ZNF549: variants seen among roughly 807,000 people sequenced by gnomAD.
The protein encoded by ZNF549 is zinc finger protein 549.
ZNF549 carries 11 observed loss-of-function variants against 11.1 expected under a neutral mutation model. The ratio of observed to expected loss-of-function variants is 0.99; its 90% CI spans 0.62 to 1.64. The LOEUF (loss-of-function observed/expected upper bound fraction) is 1.64, where lower values mean the gene tolerates loss of function less well. Among genes scored for constraint, ZNF549 ranks in the 40% most tolerant of loss-of-function variants. The pLI is 0.00. For missense variants in ZNF549, 748 were observed against 765.1 expected (o/e 0.98, Z 0.26); for synonymous variants, 266 against 269.1 (o/e 0.99, Z 0.11).
rs866258802 is a variant in ZNF549, at chr19:57,537,649, G to T, written c.645G>T (p.Glu215Asp). 1.2e-6 allele frequency: 2 copies of T among 1,614,060 alleles called. No homozygotes were observed. Among genetic ancestry groups the T allele is most frequent in the African/African-American group, 2.7e-5 (2 of 74,914 alleles). ...SRQEYAHRSR[E>D]TFQQRRYKCE... is the part of the protein sequence containing the mutation. ...AAGAGTATGCACATAGAAGCAGGGA[G>T]ACCTTTCAACAAAGACGTTACAAAT... Residue 215 changes from glutamate to aspartate, a missense_variant, in exon 4 of 4, where the codon GAG becomes GAT. Glu to Asp is a conservative substitution (Grantham distance 45). Transcript: ENST00000376233.
Position 57,527,477 on chromosome 19 carries a change from C to G in ZNF549, c.-97C>G, listed in dbSNP as rs1329563849. Reference sequence around the variant, plus strand: ...CCGCCCGCAGAGGAGCTTGCCTGGTCTCGGTCTGAGCGTCGCCCAGCGATT... The same window carrying G: ...CCGCCCGCAGAGGAGCTTGCCTGGTGTCGGTCTGAGCGTCGCCCAGCGATT... On this transcript the variant is annotated 5_prime_UTR_variant, in exon 1 of 4. Transcript: ENST00000376233. 6.5e-7 allele frequency: 1 copy of G among 1,544,976 alleles called. No individual in the cohort carries two copies. The highest frequency in any genetic ancestry group is 2.3e-5 in the East Asian group (1 of 42,874).
intron 3 of ZNF549, 27 bp downstream of exon 3, chr19:57,535,297 A>C: frequency 3.1e-6 from 5 of 1,608,800 alleles, no homozygotes; most frequent in Non-Finnish European, 4.3e-6. Flanking sequence ...CCACACCATC[A>C]ACCTCTGCTG....
At position 57,540,112 on chromosome 19, in the gene ZNF549, C is replaced by G. The variant is rs542291816; in HGVS notation, c.*1185C>G. ...GGCAGGAAAGCAGGATTTGAGAGAA[C>G]ATACACCTTGCCTTCCAGATATGTG... On this transcript the variant is annotated 3_prime_UTR_variant, in exon 4 of 4. Transcript: ENST00000376233. 6.6e-6 allele frequency: 1 copy of G among 152,326 alleles called. No individual in the cohort carries two copies. Among genetic ancestry groups the G allele is most frequent in the African/African-American group, 2.4e-5 (1 of 41,578 alleles). 9.4% of individuals were successfully genotyped at this position (152,326 alleles called of 1,614,324 possible).
At chr19:57,529,901 A>AAAATAAAT (rs376810192) in intron 1 of ZNF549, among the ~76,000 whole-genome samples, 7 of 151,800 alleles carry the variant, frequency 4.6e-5, no homozygotes, top group African/African-American at 1.7e-4. Flanking sequence ...ATAAATAAAT[A>AAAATAAAT]AAATAAATAA....
Position 57,538,872 on chromosome 19 carries a change from A to G in ZNF549, c.1868A>G (p.Asn623Ser), listed in dbSNP as rs1430166621. The change falls in exon 4 of 4, where the codon AAC (asparagine) becomes AGC (serine). Residue 623 changes from asparagine to serine, a missense_variant. Transcript: ENST00000376233. Reference protein sequence around the residue: ...YECGKCGKAFNKRYSLVRHQK... With the variant: ...YECGKCGKAFSKRYSLVRHQK... ...TGTGGTAAATGTGGGAAAGCCTTCA[A>G]CAAAAGATATTCCCTTGTCAGGCAC... 3 of 1,611,254 alleles carry G rather than the reference A, an allele frequency of 1.9e-6. No homozygotes were observed. Among genetic ancestry groups the G allele is most frequent in the Admixed American group, 1.7e-5 (1 of 60,008 alleles).
rs1441719049 is a variant in ZNF549, at chr19:57,540,321, G to A, written c.*1394G>A. On this transcript the variant is annotated 3_prime_UTR_variant, in exon 4 of 4. Transcript: ENST00000376233. ...AAAGGAGAGGTAGATGCATATTTTT[G>A]TGTGGAACCATTTATCTTAAAACAT... The A allele has an allele frequency of 1.3e-5, 2 of 152,206 alleles. No individual in the cohort carries two copies. Among genetic ancestry groups the A allele is most frequent in the African/African-American group, 4.8e-5 (2 of 41,440 alleles). The allele number at this position is 152,206 out of a possible 1,614,324, so 9.4% of individuals were successfully genotyped here.
intron 2 of ZNF549, among the ~76,000 whole-genome samples, chr19:57,533,915 T>C (rs1487267828): frequency 1.3e-5 from 2 of 152,128 alleles, no homozygotes; most frequent in African/African-American, 4.8e-5. Flanking sequence ...ACATGCAGAA[T>C]AGAAACCAAA....
rs902818670 is a variant in ZNF549 at position 57,537,509 on chromosome 19, C to A, written c.505C>A (p.Leu169Ile). The A allele has an allele frequency of 1.2e-6, 2 of 1,614,206 alleles. No homozygotes were observed. The highest frequency in any genetic ancestry group is 2.7e-5 in the African/African-American group (2 of 75,058). Residue 169 changes from leucine to isoleucine, a missense_variant, in exon 4 of 4, where the codon CTT (leucine) becomes ATT (isoleucine). Transcript: ENST00000376233. ...CAGAAAGGAGGAGAGCAGTGCCTTG[C>A]TTCTGAATAGCTGCAAAATTCCTCT... ...HIRKEESSAL[L>I]LNSCKIPLSD...
Position 57,527,521 on chromosome 19 carries a change from G to T in ZNF549, c.-53G>T. 1 of 1,611,078 alleles carries T rather than the reference G, an allele frequency of 6.2e-7. No homozygotes were observed. Among genetic ancestry groups the T allele is most frequent in the East Asian group, 2.2e-5 (1 of 44,742 alleles). On this transcript the variant is annotated 5_prime_UTR_variant, in exon 1 of 4. Transcript: ENST00000376233. Reference sequence around the variant, plus strand: ...AGCGATTTGCCACCGCACGCACGCCGGATCCCGGGCTTTACCGCCCGCCTT... The same window carrying T: ...AGCGATTTGCCACCGCACGCACGCCTGATCCCGGGCTTTACCGCCCGCCTT...
chr19:57,538,910 A>G lies in ZNF549; in HGVS notation c.1906A>G (p.Ile636Val), dbSNP rs758937062. The G allele has an allele frequency of 2.1e-5, 34 of 1,602,214 alleles. No homozygotes were observed. The highest frequency in any genetic ancestry group is 4.5e-5 in the East Asian group (2 of 44,868). The change falls in exon 4 of 4, where the codon ATA (isoleucine) becomes GTA (valine). Residue 636 changes from isoleucine to valine, a missense_variant. Coordinates refer to ENST00000376233, the MANE Select transcript of ZNF549 (RefSeq NM_001199295.2). The part of the protein sequence containing the change: ...YSLVRHQKVH[I>V]TEEP ...CCTTGTCAGGCACCAGAAGGTACAT[A>G]TAACAGAAGAGCCCTAGCAATTGTT...
chr19:57,531,996 C>T (rs1458807117), intron 2 of ZNF549, among the ~76,000 whole-genome samples: 1 of 152,218 alleles, frequency 6.6e-6, no homozygotes, highest in Non-Finnish European at 1.5e-5. Flanking sequence ...CTAAGCACCG[C>T]TTCGACTGCA....
chr19:57,527,379 C>T lies in ZNF549; in HGVS notation c.-195C>T. On this transcript the variant is annotated 5_prime_UTR_variant, in exon 1 of 4. Transcript: ENST00000376233. ...TCGTTTTTGCTGCCTGCGAGCGCGT[C>T]CGCGGGCTGGGCGTTTCCGGCTCGC... 1.4e-6 allele frequency: 1 copy of T among 734,812 alleles called. No homozygotes were observed. Among genetic ancestry groups the T allele is most frequent in the East Asian group, 2.7e-5 (1 of 36,792 alleles). The allele number at this position is 734,812 out of a possible 1,614,324, so 45.5% of individuals were successfully genotyped here. A position where few individuals can be genotyped will look rare whatever the true frequency, so the allele number is the denominator to read the frequency against.
chr19:57,533,111 C>T (rs2089910749), intron 2 of ZNF549, among the ~76,000 whole-genome samples: 1 of 152,116 alleles, frequency 6.6e-6, no homozygotes, highest in Admixed American at 6.5e-5. Flanking sequence ...TCCCAAAGTG[C>T]CTGTGATGTT....
At chr19:57,534,870 G>A (rs2089917614) in intron 2 of ZNF549, among the ~76,000 whole-genome samples, 1 of 152,204 alleles carries the variant, frequency 6.6e-6, no homozygotes, top group Non-Finnish European at 1.5e-5. Context: ...CCCATGAATG[G>A]TGTGCAACCG....
Position 57,538,429 on chromosome 19 carries a change from C to CA in ZNF549, c.1426dup (p.Ser476LysfsTer2), listed in dbSNP as rs764963630. 1.9e-6 allele frequency: 3 copies of CA among 1,614,202 alleles called. No homozygotes were observed. Among genetic ancestry groups the CA allele is most frequent in the Non-Finnish European group, 1.7e-6 (2 of 1,180,028 alleles). ...ACACTGGAGAAAGGGCTTATGAATGCAGTGACTGTGGGAAAGCCTTCATCT... is the reference window on the plus strand; with the variant it reads ...ACACTGGAGAAAGGGCTTATGAATGCAAGTGACTGTGGGAAAGCCTTCATCT... On this transcript the variant is annotated frameshift_variant, in exon 4 of 4. Coordinates refer to ENST00000376233, the MANE Select transcript of ZNF549 (RefSeq NM_001199295.2). LOFTEE classifies it low-confidence loss of function (END_TRUNC).
chr19:57,537,830 G>T lies in ZNF549; in HGVS notation c.826G>T (p.Val276Leu). ...QRTHNAEKPYVCNICGKSFLH... is the reference protein window; with the variant it reads ...QRTHNAEKPYLCNICGKSFLH... The stretch of plus-strand genomic sequence containing the variant: ...AACCCATAATGCAGAAAAGCCTTAT[G>T]TGTGCAATATATGTGGGAAATCATT... The change falls in exon 4 of 4, where the codon GTG becomes TTG. Residue 276 changes from valine (V) to leucine (L), a missense_variant. Coordinates refer to ENST00000376233, the MANE Select transcript of ZNF549 (RefSeq NM_001199295.2). The T allele has an allele frequency of 3.1e-6, 5 of 1,614,210 alleles. No homozygotes were observed. The highest frequency in any genetic ancestry group is 4.2e-6 in the Non-Finnish European group (5 of 1,180,030).
intron 3 of ZNF549, chr19:57,535,535 GCTAAGGTGA>G (rs1330118895): frequency 4.3e-6 from 2 of 462,720 alleles, no homozygotes; most frequent in Non-Finnish European, 7.7e-6. Flanking sequence ...GCCACTCCTT[GCTAAGGTGA>G]CTGTTCAGTT....
rs1459373430 is a variant in ZNF549 at position 57,537,979 on chromosome 19, C to A, written c.975C>A (p.Thr325=). 1 of 1,613,854 alleles carries A rather than the reference C, an allele frequency of 6.2e-7. No individual in the cohort carries two copies. Among genetic ancestry groups the A allele is most frequent in the Non-Finnish European group, 8.5e-7 (1 of 1,179,984 alleles). Residue 325 remains threonine, a synonymous_variant, in exon 4 of 4, where the codon ACC becomes ACA. Transcript: ENST00000376233. The part of the protein sequence containing the change: ...SKYSLVEHQR[T]HNGEKPYVCN... The stretch of plus-strand genomic sequence containing the variant: ...ACTCACTTGTGGAACACCAGAGAAC[C>A]CATAATGGAGAAAAGCCTTATGTGT...
At chr19:57,533,598 C>T (rs1171217335) in intron 2 of ZNF549, among the ~76,000 whole-genome samples, 1 of 152,140 alleles carries the variant, frequency 6.6e-6, no homozygotes. Context: ...ATTGTGGGGG[C>T]CCCCTATCAG....
Sources: gnomAD v4.1 joint callset for allele counts (sites outside exome capture counted in the v4.1 genomes callset) on GRCh38, gnomAD v4.1.1 for gene constraint, MANE v1.5 for transcripts, NCBI Gene and HGNC (gene_info 2026-07-23, HGNC 2026-07-21) for gene names.